ACSS3: variants seen among roughly 807,000 people sequenced by gnomAD.
The protein encoded by ACSS3 is acyl-CoA synthetase short-chain family member 3, mitochondrial.
ACSS3 carries 64 observed loss-of-function variants against 84.2 expected under a neutral mutation model. The observed-to-expected ratio is 0.76, with a 90% CI of 0.62 to 0.94. ACSS3 has a LOEUF of 0.94. ACSS3 is among the 40% of genes least tolerant of loss of function. The pLI, the probability that ACSS3 is intolerant of heterozygous loss-of-function variation, is 0.00. For missense variants in ACSS3, 815 were observed against 867.6 expected, an observed-to-expected ratio of 0.94 and a Z score of 0.76; for synonymous variants, 317 against 310.1, an observed-to-expected ratio of 1.02 and a Z score of -0.23.
intron 2 of ACSS3, among the ~76,000 whole-genome samples, chr12:81,122,150 C>G (rs538978957): frequency 1.4e-3 from 207 of 152,086 alleles, no homozygotes; most frequent in African/African-American, 4.7e-3. Flanking sequence ...TCAGGATGGT[C>G]TTGATCTCCT....
chr12:81,155,612 A>C (rs761457989), intron 7 of ACSS3, among the ~76,000 whole-genome samples: 2 of 151,982 alleles, frequency 1.3e-5, no homozygotes, highest in African/African-American at 2.4e-5. Context: ...TGCATCTCAC[A>C]CTCTGCTGGT....
At chr12:81,180,200 A>C (rs1030949316) in intron 8 of ACSS3, among the ~76,000 whole-genome samples, 3 of 152,184 alleles carry the variant, frequency 2.0e-5, no homozygotes, top group Non-Finnish European at 4.4e-5. Flanking sequence ...GGACACAAAG[A>C]AGGGAACAAT....
chr12:81,186,763 T>C (rs529986338), intron 8 of ACSS3, among the ~76,000 whole-genome samples: 4 of 151,902 alleles, frequency 2.6e-5, no homozygotes, highest in Admixed American at 6.6e-5. Context: ...TTCTTGAGAA[T>C]GTAGATTGTT....
Position 81,174,763 on chromosome 12 carries a change from A to G in ACSS3, c.1099-25A>G, listed in dbSNP as rs372718377. ...GAAATATGACACATTTTATCCAGTG[A>G]CATTTTAAATGAATCTCATTGTAGG... On this transcript the variant is annotated intron_variant, in intron 7 of 15. Transcript: ENST00000548058. 7 of 1,603,664 alleles carry G rather than the reference A, an allele frequency of 4.4e-6. No homozygotes were observed. The Admixed American group carries it at 1.0e-4, about 23-fold the overall frequency.
chr12:81,161,872 C>T (rs989461680), intron 7 of ACSS3, among the ~76,000 whole-genome samples: 7 of 152,174 alleles, frequency 4.6e-5, no homozygotes, highest in Non-Finnish European at 1.0e-4. Flanking sequence ...GCTGGTTGGG[C>T]AGCTCCAGGA....
chr12:81,121,708 T>A (rs1884619028), intron 2 of ACSS3, among the ~76,000 whole-genome samples: 1 of 152,040 alleles, frequency 6.6e-6, no homozygotes, highest in East Asian at 1.9e-4. Flanking sequence ...GTAAAGTGTG[T>A]TTGATGCTGT....
At chr12:81,248,816 A>G (rs2034064705) in intron 13 of ACSS3, among the ~76,000 whole-genome samples, 1 of 152,010 alleles carries the variant, frequency 6.6e-6, no homozygotes, top group Admixed American at 6.6e-5. Flanking sequence ...TATCACATGT[A>G]CCCTATAAAT....
chr12:81,101,258 T>C (rs1456239124), intron 1 of ACSS3, among the ~76,000 whole-genome samples: 1 of 152,160 alleles, frequency 6.6e-6, no homozygotes, highest in East Asian at 1.9e-4. Flanking sequence ...ACTATTAAGG[T>C]AATGAGTCAG....
At position 81,257,867 on chromosome 12, in the gene ACSS3, T is replaced by C. The variant is rs781232807; in HGVS notation, c.*2945T>C. On this transcript the variant is annotated 3_prime_UTR_variant, in exon 16 of 16. Transcript: ENST00000548058. ...TTTTGAGGGAAATACCTGGATCTTT[T>C]GCATCACTATATGTTAGTGTCTATT... The C allele has an allele frequency of 1.1e-4, 16 of 152,168 alleles. No individual in the cohort carries two copies. The highest frequency in any genetic ancestry group is 1.9e-4 in the Non-Finnish European group (13 of 68,002). 9.4% of individuals were successfully genotyped at this position (152,168 alleles called of 1,614,324 possible).
At chr12:81,130,478 A>AT (rs1196670064) in intron 2 of ACSS3, among the ~76,000 whole-genome samples, 1 of 151,512 alleles carries the variant, frequency 6.6e-6, no homozygotes, top group East Asian at 1.9e-4. Flanking sequence ...GGGTTGTTTG[A>AT]TTTTTTTCTT....
At chr12:81,080,355 C>G (rs959788087) in intron 1 of ACSS3, among the ~76,000 whole-genome samples, 2 of 151,168 alleles carry the variant, frequency 1.3e-5, no homozygotes, top group Non-Finnish European at 2.9e-5. Context: ...AGTTGCTTGT[C>G]TACATTTTTT....
chr12:81,200,889 CAAAAAAA>C (rs35916130), intron 9 of ACSS3, among the ~76,000 whole-genome samples: 13 of 56,518 alleles, frequency 2.3e-4, no homozygotes, highest in Admixed American at 3.9e-4. Flanking sequence ...GCAAGACTGT[CAAAAAAA>C]AAAAAAAAAA....
intron 5 of ACSS3, among the ~76,000 whole-genome samples, chr12:81,150,606 T>C (rs1041517591): frequency 2.6e-5 from 4 of 152,202 alleles, no homozygotes; most frequent in Non-Finnish European, 5.9e-5. Flanking sequence ...TGTCATACAA[T>C]CTAGAAAATA....
At chr12:81,139,322 A>C in intron 4 of ACSS3, 57 bp downstream of exon 4, 2 of 1,570,590 alleles carry the variant, frequency 1.3e-6, no homozygotes, top group Non-Finnish European at 1.7e-6. Flanking sequence ...GAATGAGTTT[A>C]GTTTTTACCA....
At position 81,160,946 on chromosome 12, in the gene ACSS3, T is replaced by C. The variant is rs539944180; in HGVS notation, c.1098+8850T>C. ...TAGTAATAATACCTATGGCATTCAA[T>C]TGGTTAATCTGTGAATAAATATTTA... On this transcript the variant is annotated intron_variant, in intron 7 of 15. Coordinates refer to ENST00000548058, the MANE Select transcript of ACSS3 (RefSeq NM_024560.4). Among the ~76,000 whole-genome samples, 5 of 152,362 alleles carry C rather than the reference T, an allele frequency of 3.3e-5. No individual in the cohort carries two copies. In the South Asian group the frequency reaches 1.0e-3, roughly 32 times the overall value.
intron 11 of ACSS3, among the ~76,000 whole-genome samples, chr12:81,223,823 T>G (rs760158051): frequency 6.6e-6 from 1 of 152,002 alleles, no homozygotes; most frequent in Admixed American, 6.6e-5. Flanking sequence ...TTATTTCTAT[T>G]GCTATGGAAA....
chr12:81,182,616 G>A (rs898629392), intron 8 of ACSS3, among the ~76,000 whole-genome samples: 3 of 152,066 alleles, frequency 2.0e-5, no homozygotes, highest in African/African-American at 7.2e-5. Flanking sequence ...GTATCAGGAG[G>A]AGCATAAAAA....
intron 4 of ACSS3, among the ~76,000 whole-genome samples, chr12:81,139,619 A>T (rs952966811): frequency 1.0e-5 from 1 of 99,126 alleles, no homozygotes; most frequent in African/African-American, 3.0e-5. Flanking sequence ...TATATATATA[A>T]AATAATAATA....
intron 3 of ACSS3, among the ~76,000 whole-genome samples, chr12:81,138,336 C>G (rs543123505): frequency 7.1e-4 from 108 of 152,230 alleles, no homozygotes; most frequent in African/African-American, 2.5e-3. Flanking sequence ...TAAATGACAT[C>G]CAAACTTGGC....
Sources: gnomAD v4.1 joint callset for allele counts (sites outside exome capture counted in the v4.1 genomes callset) on GRCh38, gnomAD v4.1.1 for gene constraint, MANE v1.5 for transcripts, NCBI Gene and HGNC (gene_info 2026-07-23, HGNC 2026-07-21) for gene names.